The following CRY1 variants were observed in gnomAD, a reference collection of about 807,000 sequenced individuals.
CRY1 encodes the protein cryptochrome-1.
Under a neutral mutation model 76.0 loss-of-function variants are expected in CRY1, and 45 were observed. That is an observed-to-expected ratio of 0.59 (90% CI 0.47 to 0.76). CRY1 has a LOEUF of 0.76. CRY1 is among the 30% of genes least tolerant of loss of function. The pLI is 0.00. For missense variants in CRY1, 587 were observed against 716.4 expected, an observed-to-expected ratio of 0.82 and a Z score of 2.06; for synonymous variants, 248 against 244.0, an observed-to-expected ratio of 1.02 and a Z score of -0.15.
intron 1 of CRY1, among the ~76,000 whole-genome samples, chr12:107,055,272 A>C (rs1952969868): frequency 6.6e-6 from 1 of 152,132 alleles, no homozygotes; most frequent in Admixed American, 6.5e-5. Context: ...AATATAATAA[A>C]TATTATAAGT....
chr12:107,070,663 TATTTTTA>T (rs1227269110), intron 1 of CRY1, among the ~76,000 whole-genome samples: 1 of 144,746 alleles, frequency 6.9e-6, no homozygotes, highest in Non-Finnish European at 1.5e-5. Context: ...TGGATTCTCT[TATTTTTA>T]TTTATTTATT....
chr12:106,997,984 T>C lies in CRY1; in HGVS notation c.1220A>G (p.Gln407Arg), dbSNP rs774157019. 6.2e-7 allele frequency: 1 copy of C among 1,614,080 alleles called. No individual in the cohort carries two copies. Among genetic ancestry groups the C allele is most frequent in the Non-Finnish European group, 8.5e-7 (1 of 1,179,970 alleles). The change falls in exon 8 of 13, where the codon CAA (glutamine) becomes CGA (arginine). Residue 407 changes from glutamine (Q) to arginine (R), a missense_variant. Transcript: ENST00000008527. ...WMWLSCSSFFQQFFHCYCPVG... is the reference protein window; with the variant it reads ...WMWLSCSSFFRQFFHCYCPVG... ...AGGGCAATAGCAGTGAAAAAACTGTTGAAAAAAGGAACTACAAGACAGCCA... is the reference window on the plus strand; with the variant it reads ...AGGGCAATAGCAGTGAAAAAACTGTCGAAAAAAGGAACTACAAGACAGCCA...
intron 1 of CRY1, among the ~76,000 whole-genome samples, chr12:107,077,007 A>C (rs1953263113): frequency 6.6e-6 from 1 of 152,178 alleles, no homozygotes; most frequent in African/African-American, 2.4e-5. Context: ...AGCCTGCAGA[A>C]CCATGAGCCA....
intron 1 of CRY1, among the ~76,000 whole-genome samples, chr12:107,024,212 C>G (rs1226744421): frequency 6.6e-6 from 1 of 152,108 alleles, no homozygotes; most frequent in Non-Finnish European, 1.5e-5. Context: ...CTGAGAACAG[C>G]AAGAGTTCTC....
intron 1 of CRY1, among the ~76,000 whole-genome samples, chr12:107,063,943 G>A (rs558835199): frequency 1.1e-4 from 16 of 150,904 alleles, no homozygotes; most frequent in African/African-American, 3.5e-4. Flanking sequence ...ACTGGGGTTG[G>A]GGGGACAGGG....
intron 1 of CRY1, among the ~76,000 whole-genome samples, chr12:107,046,705 A>G (rs1952852772): frequency 6.6e-6 from 1 of 152,212 alleles, no homozygotes; most frequent in African/African-American, 2.4e-5. Flanking sequence ...GATATTCCAC[A>G]CAAACAAAAA....
chr12:107,082,757 C>T (rs543406878), intron 1 of CRY1, among the ~76,000 whole-genome samples: 36 of 152,016 alleles, frequency 2.4e-4, no homozygotes, highest in Non-Finnish European at 3.2e-4. Context: ...GATCTAAAAT[C>T]GACACCCTAA....
chr12:107,092,702 C>G (rs906536864), intron 1 of CRY1, 102 bp downstream of exon 1: 1 of 1,514,188 alleles, frequency 6.6e-7, no homozygotes, highest in Admixed American at 1.9e-5. Flanking sequence ...ATAAGCAAGA[C>G]AGTCCCACGT....
At chr12:107,066,408 T>C (rs1193360922) in intron 1 of CRY1, among the ~76,000 whole-genome samples, 1 of 152,176 alleles carries the variant, frequency 6.6e-6, no homozygotes, top group Non-Finnish European at 1.5e-5. Flanking sequence ...CCCAGAATGA[T>C]TTACATAATG....
At chr12:107,092,369 C>T (rs142617072) in intron 1 of CRY1, among the ~76,000 whole-genome samples, 45 of 152,264 alleles carry the variant, frequency 3.0e-4, no homozygotes, top group African/African-American at 1.1e-3. Flanking sequence ...GGATCTGGAG[C>T]CTGCTGTACT....
chr12:107,025,707 T>C (rs910776068), intron 1 of CRY1, among the ~76,000 whole-genome samples: 10 of 152,160 alleles, frequency 6.6e-5, no homozygotes, highest in African/African-American at 1.4e-4. Flanking sequence ...TCTCTCTCCA[T>C]TCTAATTCAT....
At chr12:107,066,099 A>G (rs1202028849) in intron 1 of CRY1, among the ~76,000 whole-genome samples, 3 of 152,180 alleles carry the variant, frequency 2.0e-5, no homozygotes, top group African/African-American at 4.8e-5. Context: ...TAAAGTGAAT[A>G]TTATTTCTGA....
chr12:107,013,482 CAA>C (rs751500927), intron 2 of CRY1, among the ~76,000 whole-genome samples: 13 of 151,918 alleles, frequency 8.6e-5, no homozygotes, highest in African/African-American at 2.9e-4. Flanking sequence ...CATTGGAAAA[CAA>C]AAAAATTGTG....
intron 1 of CRY1, among the ~76,000 whole-genome samples, chr12:107,083,251 T>TTA (rs1953349619): frequency 6.6e-6 from 1 of 152,160 alleles, no homozygotes; most frequent in African/African-American, 2.4e-5. Context: ...ACAGCCAAAT[T>TTA]CTACCAGAGG....
At chr12:107,014,992 C>T (rs946300116) in intron 2 of CRY1, among the ~76,000 whole-genome samples, 1 of 152,078 alleles carries the variant, frequency 6.6e-6, no homozygotes, top group Admixed American at 6.5e-5. Flanking sequence ...TTTCTCCTGC[C>T]TCAGCCTCCT....
Position 106,997,924 on chromosome 12 carries a change from T to C in CRY1, c.1280A>G (p.Asp427Gly). ...GFGRRTDPNG[D>G]YIRRYLPVLR... is the part of the protein sequence containing the mutation. ...ATCACCCTTGATTTACCTGATATAGTCTCCATTGGGATCTGTTCTCCTACC... is the reference window on the plus strand; with the variant it reads ...ATCACCCTTGATTTACCTGATATAGCCTCCATTGGGATCTGTTCTCCTACC... The change falls in exon 8 of 13, where the codon GAC becomes GGC. Residue 427 changes from aspartate (D) to glycine (G), a missense_variant. Asp to Gly is a moderately conservative substitution (Grantham distance 94, BLOSUM62 -1). Transcript: ENST00000008527. 1 of 1,613,596 alleles carries C rather than the reference T, an allele frequency of 6.2e-7. No homozygotes were observed. Among genetic ancestry groups the C allele is most frequent in the Non-Finnish European group, 8.5e-7 (1 of 1,179,856 alleles).
At chr12:107,053,927 T>C (rs1370296407) in intron 1 of CRY1, among the ~76,000 whole-genome samples, 1 of 152,166 alleles carries the variant, frequency 6.6e-6, no homozygotes, top group African/African-American at 2.4e-5. Flanking sequence ...AAAATCACTG[T>C]CAACCTAGAA....
chr12:107,060,191 A>G (rs1048775040), intron 1 of CRY1, among the ~76,000 whole-genome samples: 17 of 152,340 alleles, frequency 1.1e-4, no homozygotes, highest in African/African-American at 3.8e-4. Flanking sequence ...ATGTGGTGCT[A>G]TAGTTTGAAT....
chr12:107,086,362 G>C (rs1377180465), intron 1 of CRY1, among the ~76,000 whole-genome samples: 1 of 152,094 alleles, frequency 6.6e-6, no homozygotes, highest in Non-Finnish European at 1.5e-5. Context: ...CAGGTACCAG[G>C]CCCTGACAGA....
Sources: gnomAD v4.1 joint callset for allele counts (sites outside exome capture counted in the v4.1 genomes callset) on GRCh38, gnomAD v4.1.1 for gene constraint, MANE v1.5 for transcripts, NCBI Gene and HGNC (gene_info 2026-07-23, HGNC 2026-07-21) for gene names.